The following MSRA variants were observed in gnomAD, a reference collection of about 807,000 sequenced individuals.
MSRA encodes mitochondrial peptide methionine sulfoxide reductase.
MSRA carries 54 observed loss-of-function variants against 31.3 expected under a neutral mutation model. The observed-to-expected ratio is 1.73, with a 90% CI of 1.39 to 2.17. MSRA has a LOEUF of 2.17. Ranked by LOEUF, MSRA falls within the 30% of genes most tolerant of loss-of-function variation. The probability of loss-of-function intolerance (pLI) is 0.00; values close to 1 mark genes in which losing one functional copy is unlikely to be tolerated. For missense variants in MSRA, 507 were observed against 300.9 expected, an observed-to-expected ratio of 1.69 and a Z score of -5.07; for synonymous variants, 169 against 116.5, an observed-to-expected ratio of 1.45 and a Z score of -2.90.
intron 1 of MSRA, among the ~76,000 whole-genome samples, chr8:10,138,098 G>A (rs1802424375): frequency 6.6e-6 from 1 of 152,170 alleles, no homozygotes; most frequent in Admixed American, 6.5e-5. Context: ...TGGCTTCTTG[G>A]AGCTGGTCAG....
chr8:10,101,468 C>G (rs915161276), intron 1 of MSRA, among the ~76,000 whole-genome samples: 1 of 152,108 alleles, frequency 6.6e-6, no homozygotes, highest in Non-Finnish European at 1.5e-5. Flanking sequence ...CGTCATCAAG[C>G]CACAGAAGTC....
In MSRA at chr8:10,054,389, G is replaced by C; in HGVS notation, c.-128G>C. 58 of 700,726 alleles carry C rather than the reference G, an allele frequency of 8.3e-5. No homozygotes were observed. The highest frequency in any genetic ancestry group is 4.9e-4 in the Middle Eastern group (1 of 2,022). The allele number at this position is 700,726 out of a possible 1,614,324, so 43.4% of individuals were successfully genotyped here. A position where few individuals can be genotyped will look rare whatever the true frequency, so the allele number is the denominator to read the frequency against. On this transcript the variant is annotated 5_prime_UTR_variant, in exon 1 of 6. Transcript: ENST00000317173. The stretch of plus-strand genomic sequence containing the variant: ...CCTCCAGCCCCGCCAGCAGCGCCCC[G>C]CGCCCGCCCGCCCGCGCCCCTGCCG...
At chr8:10,351,636 A>G (rs928502113) in intron 5 of MSRA, among the ~76,000 whole-genome samples, 4 of 152,232 alleles carry the variant, frequency 2.6e-5, no homozygotes, top group African/African-American at 9.6e-5. Context: ...ATATCTTTGT[A>G]GGGCAGGATG....
intron 4 of MSRA, among the ~76,000 whole-genome samples, chr8:10,310,596 G>C (rs1309598433): frequency 1.3e-5 from 2 of 152,218 alleles, no homozygotes; most frequent in Non-Finnish European, 2.9e-5. Flanking sequence ...AATGCTAAGT[G>C]CTCATGTGTA....
chr8:10,150,711 C>T (rs1309374353), intron 1 of MSRA, among the ~76,000 whole-genome samples: 1 of 152,132 alleles, frequency 6.6e-6, no homozygotes, highest in Non-Finnish European at 1.5e-5. Context: ...AAACAGCCGG[C>T]CTGTTCTGTC....
intron 5 of MSRA, among the ~76,000 whole-genome samples, chr8:10,396,797 C>T (rs561602682): frequency 6.6e-6 from 1 of 152,192 alleles, no homozygotes; most frequent in Non-Finnish European, 1.5e-5. Context: ...TGAAATTGCC[C>T]AAGCCCAGTA....
chr8:10,427,294 A>G (rs1477541489), intron 5 of MSRA, among the ~76,000 whole-genome samples: 1 of 152,218 alleles, frequency 6.6e-6, no homozygotes, highest in African/African-American at 2.4e-5. Flanking sequence ...TGAAATCCAA[A>G]GGGGAGAAGA....
chr8:10,331,823 C>G (rs1409559513), intron 5 of MSRA, among the ~76,000 whole-genome samples: 1 of 152,158 alleles, frequency 6.6e-6, no homozygotes, highest in South Asian at 2.1e-4. Flanking sequence ...AATGCACATA[C>G]TATTAATATA....
intron 3 of MSRA, among the ~76,000 whole-genome samples, chr8:10,295,371 G>T (rs949655585): frequency 6.6e-6 from 1 of 152,092 alleles, no homozygotes; most frequent in South Asian, 2.1e-4. Context: ...CTCTCCGGAA[G>T]GCACAGGCTC....
intron 1 of MSRA, among the ~76,000 whole-genome samples, chr8:10,067,772 A>G (rs1002975691): frequency 2.0e-5 from 3 of 150,944 alleles, no homozygotes; most frequent in African/African-American, 7.3e-5. Context: ...ATATATGCTG[A>G]TGAAGATCTT....
Position 10,119,863 on chromosome 8 carries a change from G to A in MSRA, c.142+65205G>A, listed in dbSNP as rs567771388. ...GGATAATTGGAGAAAGCTGAAGGAA[G>A]ACACTATTTACAAAGGTGTGGTCAG... On this transcript the variant is annotated intron_variant, in intron 1 of 5. Coordinates refer to ENST00000317173, the MANE Select transcript of MSRA (RefSeq NM_012331.5). Among the ~76,000 whole-genome samples the A allele has an allele frequency of 6.6e-5, 10 of 152,246 alleles. No homozygotes were observed. The South Asian group carries it at 2.1e-3, about 32-fold the overall frequency.
chr8:10,124,484 G>A (rs1307104220), intron 1 of MSRA, among the ~76,000 whole-genome samples: 5 of 152,192 alleles, frequency 3.3e-5, no homozygotes, highest in East Asian at 1.9e-4. Flanking sequence ...TCTGCTATCC[G>A]TGTGACTCTT....
chr8:10,178,336 T>A (rs1317763170), intron 1 of MSRA, among the ~76,000 whole-genome samples: 1 of 152,092 alleles, frequency 6.6e-6, no homozygotes, highest in African/African-American at 2.4e-5. Flanking sequence ...ATGTGTGTAA[T>A]CTCAGCACTT....
rs557515767 is a variant in MSRA, at chr8:10,383,250, G to A, written c.544-44898G>A. Among the ~76,000 whole-genome samples the A allele has an allele frequency of 2.6e-5, 4 of 152,272 alleles. No homozygotes were observed. The South Asian group carries it at 8.3e-4, about 32-fold the overall frequency. On this transcript the variant is annotated intron_variant, in intron 5 of 5. Coordinates refer to ENST00000317173, the MANE Select transcript of MSRA (RefSeq NM_012331.5). ...ACAGGAGCTCCTGTGTGAGATGGGG[G>A]TCACAGGTGGTGGCAGGAGAGGACT...
At chr8:10,343,054 GACAC>G (rs1202875145) in intron 5 of MSRA, among the ~76,000 whole-genome samples, 8 of 70,652 alleles carry the variant, frequency 1.1e-4, no homozygotes, top group East Asian at 2.2e-3. Context: ...CACACACACA[GACAC>G]ACACACACAC....
chr8:10,249,237 A>G (rs1797789798), intron 3 of MSRA, among the ~76,000 whole-genome samples: 1 of 152,244 alleles, frequency 6.6e-6, no homozygotes, highest in Non-Finnish European at 1.5e-5. Context: ...CAGGTTAGTC[A>G]GGCAGACAGT....
intron 3 of MSRA, among the ~76,000 whole-genome samples, chr8:10,297,049 G>A (rs995398530): frequency 1.8e-4 from 27 of 152,186 alleles, no homozygotes; most frequent in African/African-American, 6.5e-4. Flanking sequence ...AGGAAGCTGT[G>A]CTGGAGGACT....
At chr8:10,250,152 A>T (rs1797842348) in intron 3 of MSRA, among the ~76,000 whole-genome samples, 1 of 152,168 alleles carries the variant, frequency 6.6e-6, no homozygotes, top group Non-Finnish European at 1.5e-5. Flanking sequence ...GTTGTTATGC[A>T]AACCAACTGA....
intron 5 of MSRA, among the ~76,000 whole-genome samples, chr8:10,324,845 A>G (rs754906328): frequency 3.3e-5 from 5 of 152,208 alleles, no homozygotes; most frequent in Non-Finnish European, 7.3e-5. Flanking sequence ...ATTCGGGAGA[A>G]GATGAGGAAG....
Sources: allele counts gnomAD v4.1 joint callset (sites outside exome capture counted in the v4.1 genomes callset), GRCh38; gene constraint gnomAD v4.1.1; transcripts MANE v1.5; gene names NCBI Gene and HGNC (gene_info 2026-07-23, HGNC 2026-07-21).